The following GHR variants were observed in gnomAD, a reference collection of about 807,000 sequenced individuals.
GHR encodes growth hormone receptor.
In GHR, 35 loss-of-function variants were observed where a neutral mutation model predicts 67.1. That is an observed-to-expected ratio of 0.52 (90% CI 0.40 to 0.69). GHR has a LOEUF of 0.69. GHR is among the 30% of genes least tolerant of loss of function. The pLI, the probability that GHR is intolerant of heterozygous loss-of-function variation, is 0.00. For missense variants in GHR, 792 were observed against 764.6 expected (o/e 1.04, Z -0.42); for synonymous variants, 272 against 269.1 (o/e 1.01, Z -0.10).
At chr5:42,718,006 A>G (rs1758803012) in intron 8 of GHR, 46 bp from the exon 9 acceptor site, 3 of 853,156 alleles carry the variant, frequency 3.5e-6, no homozygotes, top group Non-Finnish European at 6.2e-6. Context: ...AATTGAGAAT[A>G]TGTAGCTTTT....
intron 2 of GHR, among the ~76,000 whole-genome samples, chr5:42,590,135 T>G (rs1437980135): frequency 2.0e-5 from 3 of 152,218 alleles, no homozygotes; most frequent in African/African-American, 7.2e-5. Context: ...TGAGAATAAG[T>G]GAGAAGTAAT....
chr5:42,427,672 C>G (rs1742912933), intron 1 of GHR, among the ~76,000 whole-genome samples: 1 of 151,928 alleles, frequency 6.6e-6, no homozygotes, highest in Admixed American at 6.5e-5. Flanking sequence ...CAAAAATCCA[C>G]AGTCCAAAGT....
At chr5:42,523,238 TG>T (rs1285580904) in intron 1 of GHR, among the ~76,000 whole-genome samples, 1 of 152,236 alleles carries the variant, frequency 6.6e-6, no homozygotes, top group Non-Finnish European at 1.5e-5. Context: ...AGGATGTTGC[TG>T]ATAGTAGTCA....
At chr5:42,458,578 CCATGACAAAGATGT>C (rs1356340988) in intron 1 of GHR, among the ~76,000 whole-genome samples, 1 of 151,988 alleles carries the variant, frequency 6.6e-6, no homozygotes, top group Non-Finnish European at 1.5e-5. Context: ...GGCAAAGATT[CCATGACAAAGATGT>C]CATGACAAAG....
At chr5:42,546,855 G>A (rs536059582) in intron 1 of GHR, among the ~76,000 whole-genome samples, 4 of 152,130 alleles carry the variant, frequency 2.6e-5, no homozygotes, top group Non-Finnish European at 4.4e-5. Flanking sequence ...AAAGGGGGAT[G>A]GAATGGACTC....
intron 3 of GHR, among the ~76,000 whole-genome samples, chr5:42,637,711 G>A (rs59626862): frequency 0.021 from 3,147 of 152,142 alleles, 37 homozygotes; most frequent in Middle Eastern, 0.044. Flanking sequence ...CCATCAATGC[G>A]CATCTAGGTT....
intron 1 of GHR, among the ~76,000 whole-genome samples, chr5:42,503,285 TG>T (rs1188731855): frequency 6.6e-6 from 1 of 152,168 alleles, no homozygotes; most frequent in Non-Finnish European, 1.5e-5. Flanking sequence ...CATTCAGAAA[TG>T]GGTAGTGTCA....
intron 1 of GHR, among the ~76,000 whole-genome samples, chr5:42,523,597 G>A (rs1747569960): frequency 6.6e-6 from 1 of 152,092 alleles, no homozygotes; most frequent in Non-Finnish European, 1.5e-5. Context: ...TGTTCTGACT[G>A]CTTCACTGAA....
intron 2 of GHR, among the ~76,000 whole-genome samples, chr5:42,608,948 A>G (rs1483464141): frequency 6.6e-6 from 1 of 152,120 alleles, no homozygotes; most frequent in Admixed American, 6.6e-5. Context: ...TTAACTATCA[A>G]TCAATATTAT....
chr5:42,714,748 T>C (rs2972780), intron 8 of GHR, among the ~76,000 whole-genome samples: 100,577 of 152,012 alleles, frequency 0.66, 34,488 homozygotes, highest in East Asian at 0.84. Context: ...TTCTATTGTT[T>C]CAGGAAAATA....
At chr5:42,512,204 T>G (rs557357643) in intron 1 of GHR, among the ~76,000 whole-genome samples, 4 of 152,242 alleles carry the variant, frequency 2.6e-5, no homozygotes, top group African/African-American at 9.6e-5. Context: ...TGGACAAGGC[T>G]TCACAAGGGT....
chr5:42,559,644 C>T (rs1317689984), intron 1 of GHR, among the ~76,000 whole-genome samples: 5 of 152,196 alleles, frequency 3.3e-5, no homozygotes, highest in Admixed American at 6.5e-5. Context: ...CCCCCTCACA[C>T]GTTACACATT....
chr5:42,526,514 A>G (rs1469324607), intron 1 of GHR, among the ~76,000 whole-genome samples: 1 of 152,250 alleles, frequency 6.6e-6, no homozygotes, highest in Non-Finnish European at 1.5e-5. Context: ...GATTTTCAGT[A>G]TAGATAAAAT....
intron 1 of GHR, among the ~76,000 whole-genome samples, chr5:42,498,818 A>T (rs1375146459): frequency 1.3e-5 from 2 of 152,208 alleles, no homozygotes; most frequent in Non-Finnish European, 2.9e-5. Context: ...TGCCACCTCC[A>T]TAAAAATGTG....
chr5:42,593,816 A>G (rs1751925783), intron 2 of GHR, among the ~76,000 whole-genome samples: 1 of 152,228 alleles, frequency 6.6e-6, no homozygotes. Context: ...AATAGTGATG[A>G]CATTTCCTGG....
chr5:42,618,781 CT>C (rs1376548903), intron 2 of GHR, among the ~76,000 whole-genome samples: 4 of 152,078 alleles, frequency 2.6e-5, no homozygotes, highest in Admixed American at 2.0e-4. Flanking sequence ...TGGCTCTGAT[CT>C]TCCCCCTATT....
chr5:42,603,771 C>CAGTT (rs1752491676), intron 2 of GHR, among the ~76,000 whole-genome samples: 1 of 152,186 alleles, frequency 6.6e-6, no homozygotes, highest in Non-Finnish European at 1.5e-5. Context: ...AGTAAGCAAT[C>CAGTT]AGTTCTGCAG....
intron 1 of GHR, among the ~76,000 whole-genome samples, chr5:42,455,753 G>T (rs1744233632): frequency 6.6e-6 from 1 of 152,294 alleles, no homozygotes; most frequent in Admixed American, 6.5e-5. Context: ...TGACACTTCT[G>T]CTGGAGAAAT....
At chr5:42,684,558 C>T (rs955102945) in intron 3 of GHR, among the ~76,000 whole-genome samples, 7 of 152,094 alleles carry the variant, frequency 4.6e-5, no homozygotes, top group African/African-American at 7.2e-5. Context: ...GCTTGCCTAA[C>T]GAAATACACA....
Sources: allele counts gnomAD v4.1 joint callset (sites outside exome capture counted in the v4.1 genomes callset), GRCh38; gene constraint gnomAD v4.1.1; transcripts MANE v1.5; gene names NCBI Gene and HGNC (gene_info 2026-07-23, HGNC 2026-07-21).